Variants in CELSR1 observed in about 807,000 individuals in gnomAD.
The protein encoded by CELSR1 is adhesion G protein-coupled receptor C1.
CELSR1 carries 110 observed loss-of-function variants against 249.1 expected under a neutral mutation model. That is an observed-to-expected ratio of 0.44 (90% CI 0.38 to 0.52). The LOEUF (loss-of-function observed/expected upper bound fraction) is 0.52. CELSR1 is among the 20% of genes least tolerant of loss of function. The probability of loss-of-function intolerance (pLI) is 0.00; values close to 1 mark genes in which losing one functional copy is unlikely to be tolerated. For synonymous variants in CELSR1, 2,113 were observed against 1,900.0 expected (o/e 1.11, Z -2.92); for missense variants, 4,109 against 4,296.4 (o/e 0.96, Z 1.22).
Position 46,436,092 on chromosome 22 carries a change from G to A in CELSR1, c.4522+82C>T, listed in dbSNP as rs898504612. 38 of 1,045,670 alleles carry A rather than the reference G, an allele frequency of 3.6e-5. No homozygotes were observed. Among genetic ancestry groups the A allele is most frequent in the South Asian group, 1.2e-4 (9 of 73,178 alleles). 64.8% of individuals were successfully genotyped at this position (1,045,670 alleles called of 1,614,324 possible). On this transcript the variant is annotated intron_variant, in intron 4 of 34. Coordinates refer to ENST00000674500, the MANE Select transcript of CELSR1 (RefSeq NM_001378328.1). The surrounding 1 kb of genome is among the most constrained non-coding windows in gnomAD (Gnocchi z 5.9). ...ATGAAAGGGTAAGCAGCTTGGAGGC[G>A]CTGCACAGGGCGAGGGTCGTTTTAA... is the stretch of plus-strand genomic sequence containing the variant.
chr22:46,530,334 CATTATA>C (rs2080779248), intron 1 of CELSR1: 1 of 148,704 alleles, frequency 6.7e-6, no homozygotes, highest in Non-Finnish European at 1.5e-5. Flanking sequence ...ATATATAATT[CATTATA>C]ACATATATTA....
chr22:46,460,707 G>T (rs1181066864), intron 2 of CELSR1, among the ~76,000 whole-genome samples: 1 of 152,166 alleles, frequency 6.6e-6, no homozygotes, highest in Non-Finnish European at 1.5e-5. Flanking sequence ...GAGCCTTAAG[G>T]CTTCCTGCCC....
intron 5 of CELSR1, among the ~76,000 whole-genome samples, chr22:46,431,629 CA>C (rs1305058280): frequency 2.0e-5 from 3 of 152,204 alleles, no homozygotes; most frequent in Non-Finnish European, 4.4e-5. Flanking sequence ...TGGAAGGGCA[CA>C]ACAGGAAGGG....
intron 2 of CELSR1, 74 bp downstream of exon 2, chr22:46,463,633 G>C: frequency 7.1e-7 from 1 of 1,416,800 alleles, no homozygotes. Flanking sequence ...AGTAAACAGA[G>C]GAAACCACCT....
intron 5 of CELSR1, among the ~76,000 whole-genome samples, chr22:46,418,144 T>C (rs1335990630): frequency 2.0e-5 from 3 of 152,238 alleles, no homozygotes; most frequent in Non-Finnish European, 4.4e-5. Context: ...TGCAAGTGGT[T>C]TTCTCAAGTT....
chr22:46,471,139 A>C lies in CELSR1; in HGVS notation c.3545-6794T>G, dbSNP rs76983111. Among the ~76,000 whole-genome samples the C allele has an allele frequency of 2.1e-4, 32 of 152,220 alleles. No individual in the cohort carries two copies. The highest frequency in any genetic ancestry group is 7.7e-4 in the African/African-American group (32 of 41,518). On this transcript the variant is annotated intron_variant, in intron 1 of 34. Coordinates refer to ENST00000674500, the MANE Select transcript of CELSR1 (RefSeq NM_001378328.1). This position sits in a 1 kb window ranked among gnomAD's most constrained non-coding sequence, Gnocchi z 4.9. ...GACTCCACCTCAAAAAAACAACAAC[A>C]AAAAAGGAAGGAGTTACTCTTTCAC...
chr22:46,510,620 G>A (rs566619850), intron 1 of CELSR1, among the ~76,000 whole-genome samples: 11 of 152,316 alleles, frequency 7.2e-5, no homozygotes, highest in African/African-American at 2.6e-4. Context: ...AAGTCAGAGC[G>A]CAGCGGAAGG....
chr22:46,481,601 C>G, intron 1 of CELSR1: 18 of 736,008 alleles, frequency 2.4e-5, no homozygotes, highest in Non-Finnish European at 4.4e-5. Flanking sequence ...TGCACCTGCT[C>G]CGTGGAGGCC....
At chr22:46,499,868 C>T (rs1042541192) in intron 1 of CELSR1, among the ~76,000 whole-genome samples, 5 of 152,108 alleles carry the variant, frequency 3.3e-5, no homozygotes, top group Non-Finnish European at 1.5e-5. Flanking sequence ...AACCCCTCCA[C>T]CGTCTGCAAA....
rs113762628 is a variant in CELSR1 at position 46,526,920 on chromosome 22, C to T, written c.3544+6707G>A. On this transcript the variant is annotated intron_variant, in intron 1 of 34. Coordinates refer to ENST00000674500, the MANE Select transcript of CELSR1 (RefSeq NM_001378328.1). The surrounding 1 kb of genome is among the most constrained non-coding windows in gnomAD (Gnocchi z 4.7). ...TGGCCTCACGTCTTCTCACCAAAGCCGATTCCCGGTAAGGACTCTGGCTCA... is the reference window on the plus strand; with the variant it reads ...TGGCCTCACGTCTTCTCACCAAAGCTGATTCCCGGTAAGGACTCTGGCTCA... Among the ~76,000 whole-genome samples, 20 of 152,338 alleles carry T rather than the reference C, an allele frequency of 1.3e-4. No individual in the cohort carries two copies. Among genetic ancestry groups the T allele is most frequent in the African/African-American group, 3.8e-4 (16 of 41,582 alleles).
chr22:46,367,171 C>T (rs1347145822), intron 28 of CELSR1, 53 bp from the exon 29 acceptor site: 3 of 1,582,112 alleles, frequency 1.9e-6, no homozygotes, highest in Admixed American at 3.5e-5. Context: ...TAGGCACCTG[C>T]CCTTAGGCGC....
intron 1 of CELSR1, among the ~76,000 whole-genome samples, chr22:46,479,885 C>G (rs1244499619): frequency 6.6e-6 from 1 of 152,164 alleles, no homozygotes; most frequent in Non-Finnish European, 1.5e-5. Context: ...TCAGCTCATC[C>G]TAGCCCAAGT....
chr22:46,463,747 G>C lies in CELSR1; in HGVS notation c.4143C>G (p.Arg1381=), dbSNP rs150510873. The change falls in exon 2 of 35, where the codon CGC becomes CGG. Residue 1381 remains arginine, a synonymous_variant. Transcript: ENST00000674500. ...PCGANGRCRS[R]EGGYTCECFE... ...AGCACTCGCAGGTGTAGCCGCCCTC[G>C]CGGCTGCGGCAGCGGCCGTTGGCGC... 1 of 1,542,166 alleles carries C rather than the reference G, an allele frequency of 6.5e-7. No individual in the cohort carries two copies. Among genetic ancestry groups the C allele is most frequent in the African/African-American group, 1.4e-5 (1 of 72,844 alleles).
At position 46,381,833 on chromosome 22, in the gene CELSR1, G is replaced by A. The variant is rs1453649507; in HGVS notation, c.7088+13C>T. 1.9e-6 allele frequency: 3 copies of A among 1,543,778 alleles called. No homozygotes were observed. The highest frequency in any genetic ancestry group is 3.9e-5 in the Admixed American group (2 of 51,422). On this transcript the variant is annotated intron_variant, in intron 21 of 34. Transcript: ENST00000674500. The surrounding 1 kb of genome is among the most constrained non-coding windows in gnomAD (Gnocchi z 6.0). ...AACGGGCCCTCCCCGTGTGCCCCGTGCCCAGGCCTTACCGGAGGCTGCGAC... is the reference window on the plus strand; with the variant it reads ...AACGGGCCCTCCCCGTGTGCCCCGTACCCAGGCCTTACCGGAGGCTGCGAC...
chr22:46,433,573 C>A lies in CELSR1; in HGVS notation c.4523-92G>T. The A allele has an allele frequency of 2.1e-6, 2 of 949,354 alleles. No individual in the cohort carries two copies. Among genetic ancestry groups the A allele is most frequent in the Non-Finnish European group, 3.3e-6 (2 of 610,476 alleles). The allele number at this position is 949,354 out of a possible 1,614,324, so 58.8% of individuals were successfully genotyped here. A position where few individuals can be genotyped will look rare whatever the true frequency, so the allele number is the denominator to read the frequency against. Reference sequence around the variant, plus strand: ...TGCGCTGTGAGGCATCAGGGGGAGACAGGTGCACATGGCCACGTCCTCCCT... The same window carrying A: ...TGCGCTGTGAGGCATCAGGGGGAGAAAGGTGCACATGGCCACGTCCTCCCT... On this transcript the variant is annotated intron_variant, in intron 4 of 34. Coordinates refer to ENST00000674500, the MANE Select transcript of CELSR1 (RefSeq NM_001378328.1). This position sits in a 1 kb window ranked among gnomAD's most constrained non-coding sequence, Gnocchi z 5.7.
intron 13 of CELSR1, 124 bp from the exon 14 acceptor site, chr22:46,394,386 C>G: frequency 8.7e-7 from 1 of 1,145,488 alleles, no homozygotes; most frequent in African/African-American, 1.5e-5. Flanking sequence ...GCTCTGGGAG[C>G]TTCCCCTTCC....
chr22:46,439,932 CCACCCCTCA>C (rs1220248129), intron 2 of CELSR1, among the ~76,000 whole-genome samples: 3 of 149,700 alleles, frequency 2.0e-5, no homozygotes, highest in African/African-American at 7.7e-5. Flanking sequence ...GTCCGCCCTC[CCACCCCTCA>C]CACAGACCCC....
At position 46,430,318 on chromosome 22, in the gene CELSR1, C is replaced by G. The variant is rs2079580109; in HGVS notation, c.4611+3075G>C. Among the ~76,000 whole-genome samples the G allele has an allele frequency of 6.6e-6, 1 of 152,162 alleles. No individual in the cohort carries two copies. On this transcript the variant is annotated intron_variant, in intron 5 of 34. Transcript: ENST00000674500. The surrounding 1 kb of genome is among the most constrained non-coding windows in gnomAD (Gnocchi z 4.6). ...TTCATCATCCCCAAAAATGCAAAAA[C>G]CAAAACCAGCGAGGTGGTGTGGCAG... is the stretch of plus-strand genomic sequence containing the variant.
At chr22:46,365,100 C>T (rs1419454182) in intron 32 of CELSR1, 131 bp downstream of exon 32, 1 of 1,298,350 alleles carries the variant, frequency 7.7e-7, no homozygotes. Flanking sequence ...CCCCCCACCC[C>T]AGGCTGTCCT....
Sources: allele counts gnomAD v4.1 joint callset (sites outside exome capture counted in the v4.1 genomes callset), GRCh38; gene constraint gnomAD v4.1.1; non-coding constraint Gnocchi (gnomAD v3.1); transcripts MANE v1.5; gene names NCBI Gene and HGNC (gene_info 2026-07-23, HGNC 2026-07-21).